The following CCNY variants were observed in gnomAD, a reference collection of about 807,000 sequenced individuals.
The protein encoded by CCNY is cyclin-Y.
Under a neutral mutation model 42.8 loss-of-function variants are expected in CCNY, and 19 were observed. The observed-to-expected ratio is 0.44, with a 90% CI of 0.31 to 0.65. The LOEUF is 0.65. Ranked by LOEUF, CCNY falls within the 30% of genes least tolerant of loss-of-function variation. CCNY has a pLI of 0.07. For missense variants in CCNY, 370 were observed against 437.3 expected (o/e 0.85, Z 1.37); for synonymous variants, 165 against 162.7 (o/e 1.01, Z -0.11).
chr10:35,357,693 G>C (rs1836588324), intron 1 of CCNY, among the ~76,000 whole-genome samples: 1 of 152,198 alleles, frequency 6.6e-6, no homozygotes, highest in Admixed American at 6.5e-5. Context: ...TACTGTTGCT[G>C]CTTTTTCCTT....
chr10:35,374,557 A>G (rs943910673), intron 1 of CCNY, among the ~76,000 whole-genome samples: 2 of 152,144 alleles, frequency 1.3e-5, no homozygotes, highest in African/African-American at 2.4e-5. Context: ...TTCAACCAAT[A>G]TATTGTATGG....
chr10:35,505,468 G>C (rs1840197397), intron 3 of CCNY, among the ~76,000 whole-genome samples: 1 of 152,010 alleles, frequency 6.6e-6, no homozygotes, highest in Admixed American at 6.5e-5. Context: ...GAAACTTTGT[G>C]AGGAAGTAAA....
intron 1 of CCNY, among the ~76,000 whole-genome samples, chr10:35,449,041 A>G (rs1838855026): frequency 6.6e-6 from 1 of 151,798 alleles, no homozygotes; most frequent in South Asian, 2.1e-4. Flanking sequence ...ACTGATGTAG[A>G]CTGGAAGGAA....
At chr10:35,292,221 A>T (rs1395125526) in intron 3 of CCNY, among the ~76,000 whole-genome samples, 1 of 152,016 alleles carries the variant, frequency 6.6e-6, no homozygotes, top group Non-Finnish European at 1.5e-5. Flanking sequence ...TTCATTATTG[A>T]GTTATAAGAG....
rs576056823 is a variant in CCNY at position 35,443,718 on chromosome 10, A to G, written c.155-39686A>G. 6.6e-5 allele frequency among the ~76,000 whole-genome samples: 10 copies of G among 152,312 alleles called. No homozygotes were observed. The South Asian group carries it at 1.7e-3, about 25-fold the overall frequency. On this transcript the variant is annotated intron_variant, in intron 1 of 9. Coordinates refer to ENST00000374704, the MANE Select transcript of CCNY (RefSeq NM_145012.6). ...AATATACTTTGTGTTCTTAGCCCCC[A>G]TCTTTTAGGCTAGATATTTCCCCTG... is the stretch of plus-strand genomic sequence containing the variant.
chr10:35,523,090 T>A (rs1840581389), intron 4 of CCNY, among the ~76,000 whole-genome samples: 1 of 152,034 alleles, frequency 6.6e-6, no homozygotes, highest in Non-Finnish European at 1.5e-5. Context: ...CACCTACAAT[T>A]CCCAGAGGAT....
chr10:35,526,038 T>C, intron 5 of CCNY, 39 bp downstream of exon 5: 2 of 1,558,554 alleles, frequency 1.3e-6, no homozygotes, highest in South Asian at 2.3e-5. Context: ...TCATACGTTA[T>C]CTTCTGTTAT....
At chr10:35,317,126 C>T (rs186667731) in intron 3 of CCNY, among the ~76,000 whole-genome samples, 13 of 152,270 alleles carry the variant, frequency 8.5e-5, no homozygotes, top group Admixed American at 2.0e-4. Context: ...GGATTACAGG[C>T]GTGAACCATT....
intron 3 of CCNY, among the ~76,000 whole-genome samples, chr10:35,293,118 C>T (rs552220822): frequency 3.9e-5 from 6 of 152,088 alleles, no homozygotes; most frequent in African/African-American, 7.2e-5. Context: ...AGCTCTTACC[C>T]GTAAGTCCTT....
intron 3 of CCNY, among the ~76,000 whole-genome samples, chr10:35,300,224 C>T (rs1835517512): frequency 6.6e-6 from 1 of 152,198 alleles, no homozygotes; most frequent in Non-Finnish European, 1.5e-5. Flanking sequence ...ATCTGTGGTA[C>T]CCCGCCCTGG....
At chr10:35,367,907 A>G (rs978496075) in intron 1 of CCNY, among the ~76,000 whole-genome samples, 1 of 152,250 alleles carries the variant, frequency 6.6e-6, no homozygotes, top group African/African-American at 2.4e-5. Flanking sequence ...AGTCACATAC[A>G]TACTGCCCCT....
intron 1 of CCNY, among the ~76,000 whole-genome samples, chr10:35,447,356 A>G (rs1838815497): frequency 6.6e-6 from 1 of 152,252 alleles, no homozygotes; most frequent in African/African-American, 2.4e-5. Flanking sequence ...AAATGTAATC[A>G]TGTTTCAAAA....
rs553752474 is a variant in CCNY at position 35,559,628 on chromosome 10, G to A, written c.747-6395G>A. On this transcript the variant is annotated intron_variant, in intron 8 of 9. Transcript: ENST00000374704. ...GTCAGCCAGCCATCTCAGCAGAAGC[G>A]CTGCCGGCTTGCACCAAAGGGCCCA... Among the ~76,000 whole-genome samples, 6 of 152,356 alleles carry A rather than the reference G, an allele frequency of 3.9e-5. No individual in the cohort carries two copies. In the South Asian group the frequency reaches 6.2e-4, roughly 16 times the overall value.
At chr10:35,324,080 T>G (rs1373857440) in intron 3 of CCNY, among the ~76,000 whole-genome samples, 1 of 151,426 alleles carries the variant, frequency 6.6e-6, no homozygotes, top group Non-Finnish European at 1.5e-5. Context: ...ATATATTTGG[T>G]GTACAAAGGG....
rs141196684 is a variant in CCNY, at chr10:35,298,969, T to C, written c.-9+48343T>C. ...TTTGTATGAGCATATGTTTTCATTC[T>C]TCTTAGGTAAATACCAAGAAGTGCA... On this transcript the variant is annotated intron_variant, in intron 3 of 11. Coordinates refer to the CCNY transcript ENST00000374706. Among the ~76,000 whole-genome samples the C allele has an allele frequency of 9.5e-3, 1,448 of 152,374 alleles. 45 individuals carry two copies. The South Asian group carries it at 0.1, about 11-fold the overall frequency.
chr10:35,511,709 T>C (rs1840328257), intron 3 of CCNY, among the ~76,000 whole-genome samples: 1 of 152,230 alleles, frequency 6.6e-6, no homozygotes, highest in African/African-American at 2.4e-5. Context: ...TTGTGAGCTC[T>C]AAGTGAATAC....
rs201758272 is a variant in CCNY, at chr10:35,530,043, G to A, written c.459+13G>A. ...TCACCCTCTTTCGGTAATCTCCTCC[G>A]TGTGTTTCATGAGATGATTTAATTA... On this transcript the variant is annotated intron_variant, in intron 6 of 9. Transcript: ENST00000374704. This position sits in a 1 kb window ranked among gnomAD's most constrained non-coding sequence, Gnocchi z 4.3. 5.9e-5 allele frequency: 96 copies of A among 1,613,852 alleles called. No homozygotes were observed. Among genetic ancestry groups the A allele is most frequent in the East Asian group, 4.9e-4 (22 of 44,876 alleles).
In CCNY at chr10:35,556,976, C is replaced by T. The variant is rs1841374532; in HGVS notation, c.746+3791C>T. On this transcript the variant is annotated intron_variant, in intron 8 of 9. Transcript: ENST00000374704. ...TCTCCTGCCTCAGCCTCCTGAGTAG[C>T]TGGGATTACAGGCGCCCGCCATTAG... Among the ~76,000 whole-genome samples, 3 of 151,856 alleles carry T rather than the reference C, an allele frequency of 2.0e-5. No individual in the cohort carries two copies. The South Asian group carries it at 6.2e-4, about 32-fold the overall frequency.
At chr10:35,307,195 C>T (rs374438130) in intron 3 of CCNY, among the ~76,000 whole-genome samples, 5 of 152,044 alleles carry the variant, frequency 3.3e-5, no homozygotes, top group African/African-American at 7.3e-5. Flanking sequence ...GCGGGTTAAG[C>T]GAGTTTATAA....
Sources: allele counts gnomAD v4.1 joint callset (sites outside exome capture counted in the v4.1 genomes callset), GRCh38; gene constraint gnomAD v4.1.1; non-coding constraint Gnocchi (gnomAD v3.1); transcripts MANE v1.5; gene names NCBI Gene and HGNC (gene_info 2026-07-23, HGNC 2026-07-21).